The following ARHGAP8 variants were observed in gnomAD, a reference collection of about 807,000 sequenced individuals.
ARHGAP8 encodes the protein rho GTPase-activating protein 8.
A neutral mutation model predicts 46.1 loss-of-function variants in ARHGAP8; 62 were observed. The observed-to-expected ratio is 1.34, with a 90% CI of 1.10 to 1.66. The LOEUF (loss-of-function observed/expected upper bound fraction) is 1.66. Ranked by LOEUF, ARHGAP8 falls within the 40% of genes most tolerant of loss-of-function variation. The pLI is 0.00. For missense variants in ARHGAP8, 923 were observed against 568.4 expected (o/e 1.62, Z -6.34); for synonymous variants, 375 against 243.1 (o/e 1.54, Z -5.05).
At chr22:44,785,981 A>G (rs1927188483) in intron 1 of ARHGAP8, 1 of 157,846 alleles carries the variant, frequency 6.3e-6, no homozygotes, top group Non-Finnish European at 1.4e-5. Context: ...TTAGCAAGTC[A>G]CTCTCCCTCT....
intron 7 of ARHGAP8, among the ~76,000 whole-genome samples, chr22:44,839,445 C>T (rs957458167): frequency 6.6e-6 from 1 of 152,134 alleles, no homozygotes; most frequent in Non-Finnish European, 1.5e-5. Flanking sequence ...TTAGCAGATT[C>T]CTCTGTAAAT....
chr22:44,825,683 GT>G, intron 7 of ARHGAP8, 90 bp downstream of exon 7: 1 of 1,430,930 alleles, frequency 7.0e-7, no homozygotes. Context: ...TTCCCCAGAC[GT>G]TTGTCTCCAG....
rs1341810555 is a variant in ARHGAP8 at position 44,806,737 on chromosome 22, G to A, written c.168-1570G>A. 3.3e-5 allele frequency among the ~76,000 whole-genome samples: 5 copies of A among 151,982 alleles called. 1 individual carries two copies. Among genetic ancestry groups the A allele is most frequent in the Admixed American group, 2.6e-4 (4 of 15,266 alleles). ...TGGGAGGCCGAGGCGGGTGGATCACGAGGTCAGAAGATCAAGACCATCCTG... is the reference window on the plus strand; with the variant it reads ...TGGGAGGCCGAGGCGGGTGGATCACAAGGTCAGAAGATCAAGACCATCCTG... On this transcript the variant is annotated intron_variant, in intron 3 of 11. Transcript: ENST00000356099.
intron 1 of ARHGAP8, among the ~76,000 whole-genome samples, chr22:44,760,005 C>T (rs1056085311): frequency 6.6e-6 from 1 of 152,192 alleles, no homozygotes; most frequent in Non-Finnish European, 1.5e-5. Context: ...CCCAGCAGCC[C>T]TTTAGAGACC....
Position 44,792,659 on chromosome 22 carries a change from C to T in ARHGAP8, c.79+6053C>T, listed in dbSNP as rs548010114. On this transcript the variant is annotated intron_variant, in intron 2 of 11. Transcript: ENST00000356099. Reference sequence around the variant, plus strand: ...ATTTTTCTGTCCCAGCTGCTGCTTCCCCCATGACCAACATCTGGAACCACA... The same window carrying T: ...ATTTTTCTGTCCCAGCTGCTGCTTCTCCCATGACCAACATCTGGAACCACA... 1.1e-3 allele frequency among the ~76,000 whole-genome samples: 174 copies of T among 152,250 alleles called. 1 individual carries two copies. The highest frequency in any genetic ancestry group is 4.0e-3 in the African/African-American group (165 of 41,558).
At chr22:44,771,032 G>A (rs1319129373) in intron 1 of ARHGAP8, among the ~76,000 whole-genome samples, 1 of 152,102 alleles carries the variant, frequency 6.6e-6, no homozygotes, top group Non-Finnish European at 1.5e-5. Flanking sequence ...TTTTTTCACT[G>A]TTATAAATTT....
intron 11 of ARHGAP8, among the ~76,000 whole-genome samples, chr22:44,862,056 G>A (rs1389311302): frequency 6.6e-6 from 1 of 152,218 alleles, no homozygotes; most frequent in African/African-American, 2.4e-5. Context: ...GAGCCAGAGG[G>A]TCCTCCAGGA....
rs1569191791 is a variant in ARHGAP8, at chr22:44,862,482, C to T, written c.1189C>T (p.Gln397Ter). 3.1e-6 allele frequency: 5 copies of T among 1,612,960 alleles called. No individual in the cohort carries two copies. Among genetic ancestry groups the T allele is most frequent in the African/African-American group, 1.3e-5 (1 of 74,864 alleles). ...PGEHGLAPWE[Q>*]GSRAAPLQEA... ...GGAGCACGGCCTGGCACCATGGGAA[C>T]AGGGGAGCAGGGCAGCCCCTTTGCA... Residue 397 changes from glutamine to a stop codon, truncating the protein, a stop_gained, in exon 12 of 12, where the codon CAG (glutamine) becomes TAG (stop). Transcript: ENST00000356099. LOFTEE classifies it low-confidence loss of function (END_TRUNC).
intron 1 of ARHGAP8, among the ~76,000 whole-genome samples, chr22:44,779,694 C>T (rs1926700476): frequency 1.3e-5 from 2 of 151,466 alleles, no homozygotes; most frequent in Admixed American, 1.3e-4. Flanking sequence ...CCCGAGTAGC[C>T]GGGATTACAG....
chr22:44,860,893 C>A (rs1011971945), intron 11 of ARHGAP8, among the ~76,000 whole-genome samples: 1 of 152,170 alleles, frequency 6.6e-6, no homozygotes, highest in Admixed American at 6.5e-5. Flanking sequence ...GCAGAGTAGG[C>A]GTCACATCCC....
chr22:44,854,024 CAAAAAAAAAAAAAAAA>C (rs71315119), intron 10 of ARHGAP8, among the ~76,000 whole-genome samples: 85 of 43,294 alleles, frequency 2.0e-3, no homozygotes, highest in South Asian at 7.8e-3. Flanking sequence ...GACTCTGTCT[CAAAAAAAAAAAAAAAA>C]AAAAAAAAAA....
At chr22:44,815,584 G>T (rs541842563) in intron 5 of ARHGAP8, among the ~76,000 whole-genome samples, 1 of 152,198 alleles carries the variant, frequency 6.6e-6, no homozygotes, top group African/African-American at 2.4e-5. Flanking sequence ...CCCCCAGCCT[G>T]CTGAGTTAAG....
At chr22:44,852,422 G>C (rs1396889890) in intron 10 of ARHGAP8, among the ~76,000 whole-genome samples, 1 of 152,106 alleles carries the variant, frequency 6.6e-6, no homozygotes, top group African/African-American at 2.4e-5. Context: ...AGTAGGGGGA[G>C]TCAGAGAGAG....
chr22:44,860,943 ATTTT>A (rs151036490), intron 11 of ARHGAP8, among the ~76,000 whole-genome samples: 34 of 151,908 alleles, frequency 2.2e-4, no homozygotes, highest in African/African-American at 8.2e-4. Flanking sequence ...TTTTACAACA[ATTTT>A]TTTTCTCCCT....
At chr22:44,837,209 T>G (rs1191789507) in intron 7 of ARHGAP8, among the ~76,000 whole-genome samples, 2 of 152,188 alleles carry the variant, frequency 1.3e-5, no homozygotes, top group African/African-American at 4.8e-5. Context: ...TTAGTCACAA[T>G]TTCTCCTTAT....
chr22:44,766,429 C>T (rs936568815), intron 1 of ARHGAP8, among the ~76,000 whole-genome samples: 4 of 151,256 alleles, frequency 2.6e-5, no homozygotes, highest in South Asian at 2.1e-4. Flanking sequence ...TCTGTGCACA[C>T]GTGTGTCTTT....
chr22:44,819,583 G>T (rs1929983639), intron 5 of ARHGAP8, among the ~76,000 whole-genome samples: 1 of 152,154 alleles, frequency 6.6e-6, no homozygotes. Context: ...TGAGCTACGA[G>T]AATCGCTTGA....
chr22:44,859,511 C>G (rs1601533022), intron 10 of ARHGAP8: 2 of 587,014 alleles, frequency 3.4e-6, no homozygotes, highest in Middle Eastern at 4.5e-4. Flanking sequence ...AGTTAAACCT[C>G]TTTTCTTATA....
chr22:44,761,704 G>GAAT (rs1310064751), intron 1 of ARHGAP8, among the ~76,000 whole-genome samples: 1 of 152,190 alleles, frequency 6.6e-6, no homozygotes, highest in Non-Finnish European at 1.5e-5. Flanking sequence ...TGGAAAGAGA[G>GAAT]AATATGTTAG....
Sources: gnomAD v4.1 joint callset for allele counts (sites outside exome capture counted in the v4.1 genomes callset) on GRCh38, gnomAD v4.1.1 for gene constraint, MANE v1.5 for transcripts, NCBI Gene and HGNC (gene_info 2026-07-23, HGNC 2026-07-21) for gene names.